Variants in FRAS1 observed in about 807,000 individuals in gnomAD.
FRAS1 encodes Fraser extracellular matrix complex subunit 1.
Under a neutral mutation model 435.2 loss-of-function variants are expected in FRAS1, and 290 were observed. That is an observed-to-expected ratio of 0.67 (90% confidence interval 0.61 to 0.73). The LOEUF (loss-of-function observed/expected upper bound fraction) is 0.73, where lower values mean the gene tolerates loss of function less well. Ranked by LOEUF, FRAS1 falls within the 30% of genes least tolerant of loss-of-function variation. The probability of loss-of-function intolerance (pLI) is 0.00; values close to 1 mark genes in which losing one functional copy is unlikely to be tolerated. For synonymous variants in FRAS1, 1,800 were observed against 1,851.0 expected, an observed-to-expected ratio of 0.97 and a Z score of 0.71; for missense variants, 4,860 against 5,001.5, an observed-to-expected ratio of 0.97 and a Z score of 0.85.
chr4:78,514,774 A>T (rs1321617805), intron 65 of FRAS1, among the ~76,000 whole-genome samples: 1 of 152,146 alleles, frequency 6.6e-6, no homozygotes, highest in Non-Finnish European at 1.5e-5. Flanking sequence ...GTACTATAAA[A>T]ATTTTAACCC....
intron 33 of FRAS1, among the ~76,000 whole-genome samples, chr4:78,419,982 C>T (rs1193753822): frequency 6.6e-6 from 1 of 152,136 alleles, no homozygotes; most frequent in African/African-American, 2.4e-5. Flanking sequence ...ATCCAGTCAC[C>T]TCCCACCAGA....
rs546955854 is a variant in FRAS1 at position 78,292,641 on chromosome 4, G to A, written c.1534+6102G>A. ...TCCCAGCCTGGCTGTGCCCTGGGTGGACCTCTTGACAATGGCACCTATGAA... is the reference window on the plus strand; with the variant it reads ...TCCCAGCCTGGCTGTGCCCTGGGTGAACCTCTTGACAATGGCACCTATGAA... On this transcript the variant is annotated intron_variant, in intron 14 of 73. Coordinates refer to ENST00000512123, the MANE Select transcript of FRAS1 (RefSeq NM_025074.7). Among the ~76,000 whole-genome samples, 58 of 152,278 alleles carry A rather than the reference G, an allele frequency of 3.8e-4. No individual in the cohort carries two copies. The South Asian group carries it at 0.012, about 30-fold the overall frequency.
At chr4:78,216,380 A>G (rs560077618) in intron 2 of FRAS1, among the ~76,000 whole-genome samples, 3 of 152,334 alleles carry the variant, frequency 2.0e-5, no homozygotes, top group African/African-American at 7.2e-5. Context: ...ATTTCTTTCC[A>G]TAGTTTGAAC....
chr4:78,124,563 T>C (rs2109969957), intron 2 of FRAS1, among the ~76,000 whole-genome samples: 1 of 152,346 alleles, frequency 6.6e-6, no homozygotes, highest in Non-Finnish European at 1.5e-5. Flanking sequence ...AGCTCCTCTT[T>C]GTACCTTTGG....
intron 1 of FRAS1, among the ~76,000 whole-genome samples, chr4:78,061,244 T>C (rs1739748332): frequency 6.6e-6 from 1 of 152,154 alleles, no homozygotes; most frequent in African/African-American, 2.4e-5. Flanking sequence ...GCTAAACTGG[T>C]AAAGTATTAA....
At chr4:78,508,042 G>A (rs1427848777) in intron 62 of FRAS1, among the ~76,000 whole-genome samples, 2 of 152,188 alleles carry the variant, frequency 1.3e-5, no homozygotes, top group Non-Finnish European at 2.9e-5. Flanking sequence ...ACTTAGAAGA[G>A]TAAGAAGGTA....
intron 37 of FRAS1, 63 bp downstream of exon 37, chr4:78,430,480 G>A: frequency 3.2e-6 from 5 of 1,538,914 alleles, no homozygotes; most frequent in Non-Finnish European, 4.4e-6. Flanking sequence ...TCTACAATCA[G>A]TTGTTATGTG....
chr4:78,070,912 G>A (rs1231175554), intron 2 of FRAS1: 2 of 152,194 alleles, frequency 1.3e-5, no homozygotes, highest in African/African-American at 4.8e-5. Flanking sequence ...TGAACATGAA[G>A]CAACTCGTCC....
chr4:78,400,103 A>G (rs1732821846), intron 29 of FRAS1, among the ~76,000 whole-genome samples: 1 of 152,080 alleles, frequency 6.6e-6, no homozygotes, highest in South Asian at 2.1e-4. Context: ...CTTTGCTTTC[A>G]CTTAAGCTGG....
intron 30 of FRAS1, among the ~76,000 whole-genome samples, chr4:78,406,762 A>G (rs1733112336): frequency 6.6e-6 from 1 of 152,214 alleles, no homozygotes; most frequent in South Asian, 2.1e-4. Context: ...AAGCTCACTC[A>G]GCTGGAAACA....
chr4:78,523,369 A>G (rs1357072493), intron 69 of FRAS1, among the ~76,000 whole-genome samples: 3 of 152,160 alleles, frequency 2.0e-5, no homozygotes, highest in African/African-American at 7.2e-5. Flanking sequence ...AAAATATAGT[A>G]CCTCTGATTA....
chr4:78,077,772 AC>A (rs1292298616), intron 2 of FRAS1, among the ~76,000 whole-genome samples: 2 of 152,166 alleles, frequency 1.3e-5, no homozygotes, highest in Admixed American at 1.3e-4. Context: ...TTTTTCAAAA[AC>A]CAAACCACAA....
At position 78,105,873 on chromosome 4, in the gene FRAS1, G is replaced by A. The variant is rs961729135; in HGVS notation, c.108+39857G>A. On this transcript the variant is annotated intron_variant, in intron 2 of 73. Transcript: ENST00000512123. Reference sequence around the variant, plus strand: ...CACTAGGGAGTGCCAGACAGTGGGCGCAGGCCAGTGTGTGCGCGCACCGTG... The same window carrying A: ...CACTAGGGAGTGCCAGACAGTGGGCACAGGCCAGTGTGTGCGCGCACCGTG... 2.0e-4 allele frequency among the ~76,000 whole-genome samples: 28 copies of A among 140,164 alleles called. 2 individuals are homozygous for A. Among genetic ancestry groups the A allele is most frequent in the African/African-American group, 3.0e-4 (11 of 36,714 alleles). The allele number at this position is 140,164 out of a possible 152,430, so 92.0% of individuals were successfully genotyped here.
At chr4:78,452,872 G>C (rs1282433104) in intron 47 of FRAS1, among the ~76,000 whole-genome samples, 7 of 96,946 alleles carry the variant, frequency 7.2e-5, no homozygotes, top group Non-Finnish European at 1.8e-4. Context: ...AAATATGGCA[G>C]GTGTTTTAAG....
rs567230015 is a variant in FRAS1, at chr4:78,494,973, A to G, written c.8959-1832A>G. ...TCACTAGAAGTGCATGAGGGTTGCT[A>G]TAACCCTATATTCTCTTCAAAACGA... On this transcript the variant is annotated intron_variant, in intron 59 of 73. Transcript: ENST00000512123. Among the ~76,000 whole-genome samples, 4 of 152,328 alleles carry G rather than the reference A, an allele frequency of 2.6e-5. No individual in the cohort carries two copies. The South Asian group carries it at 8.3e-4, about 32-fold the overall frequency.
intron 31 of FRAS1, among the ~76,000 whole-genome samples, chr4:78,412,391 G>A (rs1436242573): frequency 1.3e-5 from 2 of 152,218 alleles, no homozygotes; most frequent in South Asian, 2.1e-4. Flanking sequence ...GGTTTTTGCA[G>A]CAGGAAAAAG....
intron 1 of FRAS1, among the ~76,000 whole-genome samples, chr4:78,059,563 A>T (rs1452445797): frequency 6.6e-6 from 1 of 151,400 alleles, no homozygotes; most frequent in Non-Finnish European, 1.5e-5. Context: ...CAGATGAGAG[A>T]GTCACCCCAG....
At chr4:78,116,821 C>A (rs55697515) in intron 2 of FRAS1, among the ~76,000 whole-genome samples, 4,850 of 152,198 alleles carry the variant, frequency 0.032, 115 homozygotes, top group Non-Finnish European at 0.042. Context: ...GAGCACTTAG[C>A]CCATTTACAT....
chr4:78,205,844 T>G lies in FRAS1; in HGVS notation c.109-31666T>G, dbSNP rs202017427. 6.4e-4 allele frequency among the ~76,000 whole-genome samples: 97 copies of G among 152,160 alleles called. 1 individual carries two copies. In the East Asian group the frequency reaches 0.017, roughly 27 times the overall value. ...CCGCAGTCTGGCCTCTCACTGTAAC[T>G]GAATGACGCCTGTTTCCCCAGGGCA... is the stretch of plus-strand genomic sequence containing the variant. On this transcript the variant is annotated intron_variant, in intron 2 of 73. Coordinates refer to ENST00000512123, the MANE Select transcript of FRAS1 (RefSeq NM_025074.7).
Sources: gnomAD v4.1 joint callset for allele counts (sites outside exome capture counted in the v4.1 genomes callset) on GRCh38, gnomAD v4.1.1 for gene constraint, MANE v1.5 for transcripts, NCBI Gene and HGNC (gene_info 2026-07-23, HGNC 2026-07-21) for gene names.